Variants in LDAH observed in about 807,000 individuals in gnomAD.
LDAH encodes lipid droplet-associated hydrolase.
In LDAH, 26 loss-of-function variants were observed where a neutral mutation model predicts 29.6. That is an observed-to-expected ratio of 0.88 (90% CI 0.64 to 1.22). LDAH has a LOEUF of 1.22. Among genes scored for constraint, LDAH ranks in the 50% most tolerant of loss-of-function variants. The pLI is 0.00. For synonymous variants in LDAH, 117 were observed against 133.0 expected, an observed-to-expected ratio of 0.88 and a Z score of 0.83; for missense variants, 344 against 387.3, an observed-to-expected ratio of 0.89 and a Z score of 0.94.
At chr2:20,808,840 A>G (rs1672271756) in intron 1 of LDAH, among the ~76,000 whole-genome samples, 1 of 152,196 alleles carries the variant, frequency 6.6e-6, no homozygotes, top group Admixed American at 6.5e-5. Context: ...GATTCATGAC[A>G]ATGGCGTTCA....
intron 6 of LDAH, 112 bp downstream of exon 6, chr2:20,701,458 T>G (rs1489500138): frequency 1.2e-6 from 1 of 833,348 alleles, no homozygotes; most frequent in Non-Finnish European, 2.0e-6. Flanking sequence ...GAACTCTATG[T>G]CATTCTACCA....
chr2:20,776,874 T>C (rs891433582), intron 3 of LDAH, among the ~76,000 whole-genome samples: 1 of 152,204 alleles, frequency 6.6e-6, no homozygotes, highest in Non-Finnish European at 1.5e-5. Context: ...TTTCCTTCTG[T>C]TGGGACAGTA....
chr2:20,683,927 T>C (rs1472340718), downstream of LDAH: 3 of 151,950 alleles, frequency 2.0e-5, no homozygotes, highest in African/African-American at 4.8e-5. Flanking sequence ...ACCTAACAAA[T>C]GACAGATCTG....
intron 6 of LDAH, among the ~76,000 whole-genome samples, chr2:20,695,141 T>C (rs1663342764): frequency 6.6e-6 from 1 of 152,254 alleles, no homozygotes; most frequent in Non-Finnish European, 1.5e-5. Flanking sequence ...GCCCAAGCCT[T>C]GGTAAAAATC....
intron 4 of LDAH, among the ~76,000 whole-genome samples, chr2:20,757,545 C>T (rs1329749820): frequency 3.3e-5 from 5 of 152,108 alleles, no homozygotes; most frequent in African/African-American, 9.7e-5. Context: ...AAATACTTGC[C>T]AAGCTGTGAT....
chr2:20,760,058 C>T (rs1365085412), intron 4 of LDAH, among the ~76,000 whole-genome samples: 1 of 152,132 alleles, frequency 6.6e-6, no homozygotes, highest in Non-Finnish European at 1.5e-5. Context: ...AAATAATCAC[C>T]AGGCAAGCTA....
intron 2 of LDAH, among the ~76,000 whole-genome samples, chr2:20,796,679 G>T (rs562438257): frequency 1.3e-5 from 2 of 152,308 alleles, no homozygotes; most frequent in South Asian, 4.1e-4. Context: ...TGCAGGGCTT[G>T]TTAAAACACT....
At chr2:20,795,043 T>C (rs539715533) in intron 2 of LDAH, among the ~76,000 whole-genome samples, 3 of 152,320 alleles carry the variant, frequency 2.0e-5, no homozygotes, top group East Asian at 3.9e-4. Context: ...CGGAGGGGTA[T>C]GGGAGAGGTC....
chr2:20,769,807 C>G (rs1444401268), intron 4 of LDAH, among the ~76,000 whole-genome samples: 2 of 152,096 alleles, frequency 1.3e-5, no homozygotes, highest in Non-Finnish European at 1.5e-5. Flanking sequence ...GTCAATTTTA[C>G]TCCTTTATCT....
chr2:20,763,804 A>C (rs1668843703), intron 4 of LDAH, among the ~76,000 whole-genome samples: 1 of 152,272 alleles, frequency 6.6e-6, no homozygotes, highest in Non-Finnish European at 1.5e-5. Context: ...AAATCTGAAA[A>C]GTGTTCAGAA....
intron 4 of LDAH, among the ~76,000 whole-genome samples, chr2:20,765,725 C>T (rs1422381299): frequency 6.6e-6 from 1 of 152,134 alleles, no homozygotes; most frequent in Admixed American, 6.5e-5. Context: ...CATGATCCTC[C>T]TACGTAGCTA....
chr2:20,714,422 G>A (rs994680432), intron 5 of LDAH, among the ~76,000 whole-genome samples: 32 of 152,184 alleles, frequency 2.1e-4, no homozygotes, highest in Non-Finnish European at 4.4e-4. Context: ...ACCCACACAG[G>A]AAAGCAGGAA....
intron 1 of LDAH, among the ~76,000 whole-genome samples, chr2:20,821,044 T>G (rs1026092965): frequency 6.6e-6 from 1 of 151,836 alleles, no homozygotes; most frequent in Admixed American, 6.6e-5. Context: ...ATCAGAGAAA[T>G]GCAAATCAAA....
intron 3 of LDAH, 114 bp downstream of exon 3, chr2:20,790,141 G>T: frequency 1.9e-6 from 2 of 1,058,292 alleles, no homozygotes; most frequent in Non-Finnish European, 2.7e-6. Flanking sequence ...GGCACCATGG[G>T]CCTAATGCCA....
chr2:20,686,688 A>G lies in LDAH; in HGVS notation c.*215T>C. 1 of 322,218 alleles carries G rather than the reference A, an allele frequency of 3.1e-6. No homozygotes were observed. The highest frequency in any genetic ancestry group is 5.5e-6 in the Non-Finnish European group (1 of 181,782). The allele number at this position is 322,218 out of a possible 1,614,324, so 20.0% of individuals were successfully genotyped here. On this transcript the variant is annotated 3_prime_UTR_variant, in exon 7 of 7. Transcript: ENST00000237822. ...TCTGTGTAGATCACTGTGTTCCCTG[A>G]GTCTTGGAAAATGTATGGTTAAACC...
At chr2:20,696,567 C>T (rs146305018) in intron 6 of LDAH, among the ~76,000 whole-genome samples, 11 of 152,286 alleles carry the variant, frequency 7.2e-5, no homozygotes, top group Middle Eastern at 6.8e-3. Context: ...CAGCTGTTTC[C>T]GTAAGCCTGG....
chr2:20,742,015 GTTTTCA>G (rs914644794), intron 4 of LDAH, among the ~76,000 whole-genome samples: 1 of 152,004 alleles, frequency 6.6e-6, no homozygotes, highest in African/African-American at 2.4e-5. Context: ...GATAAGTTGT[GTTTTCA>G]TTTTCATTTA....
intron 1 of LDAH, among the ~76,000 whole-genome samples, chr2:20,822,383 T>C (rs2125188389): frequency 6.6e-6 from 1 of 152,276 alleles, no homozygotes; most frequent in East Asian, 1.9e-4. Context: ...GACCTCCTGA[T>C]CCGCCCGCCT....
chr2:20,812,018 A>T (rs545313490), intron 1 of LDAH, among the ~76,000 whole-genome samples: 4 of 152,170 alleles, frequency 2.6e-5, no homozygotes, highest in South Asian at 4.1e-4. Context: ...ACAGATTTTG[A>T]TGCCAAAGAT....
Sources: allele counts gnomAD v4.1 joint callset (sites outside exome capture counted in the v4.1 genomes callset), GRCh38; gene constraint gnomAD v4.1.1; transcripts MANE v1.5; gene names NCBI Gene and HGNC (gene_info 2026-07-23, HGNC 2026-07-21).